SLX4IP: variants seen among roughly 807,000 people sequenced by gnomAD.
The protein encoded by SLX4IP is protein SLX4IP.
A neutral mutation model predicts 32.9 loss-of-function variants in SLX4IP; 34 were observed. The ratio of observed to expected loss-of-function variants is 1.03; its 90% confidence interval spans 0.79 to 1.38. The LOEUF is 1.38. Ranked by LOEUF, SLX4IP falls within the 40% of genes most tolerant of loss-of-function variation. The probability of loss-of-function intolerance (pLI) is 0.00; values close to 1 mark genes in which losing one functional copy is unlikely to be tolerated. For synonymous variants in SLX4IP, 172 were observed against 171.7 expected (o/e 1.00, Z -0.01); for missense variants, 444 against 479.0 (o/e 0.93, Z 0.68).
intron 1 of SLX4IP, among the ~76,000 whole-genome samples, chr20:10,449,923 T>C (rs1350988205): frequency 6.6e-6 from 1 of 151,758 alleles, no homozygotes. Flanking sequence ...ACATCGTAAA[T>C]GTAGCTGTTC....
At chr20:10,485,499 C>T (rs1175700276) in intron 2 of SLX4IP, among the ~76,000 whole-genome samples, 2 of 152,032 alleles carry the variant, frequency 1.3e-5, no homozygotes, top group African/African-American at 2.4e-5. Context: ...CACCTGTAAT[C>T]CCAGCTACTC....
At chr20:10,619,462 T>G (rs2067082101) in intron 6 of SLX4IP, among the ~76,000 whole-genome samples, 1 of 152,184 alleles carries the variant, frequency 6.6e-6, no homozygotes, top group South Asian at 2.1e-4. Flanking sequence ...ATAAAGGCAG[T>G]GATTGAATTT....
chr20:10,558,802 G>A (rs1338411876), intron 3 of SLX4IP, among the ~76,000 whole-genome samples: 1 of 152,160 alleles, frequency 6.6e-6, no homozygotes, highest in East Asian at 1.9e-4. Flanking sequence ...TAGCTGAGAA[G>A]TTTTCTTTTC....
intron 1 of SLX4IP, 53 bp from the exon 2 acceptor site, chr20:10,458,123 C>A: frequency 8.4e-7 from 1 of 1,185,424 alleles, no homozygotes; most frequent in Non-Finnish European, 1.2e-6. Flanking sequence ...GTATAATATC[C>A]AAATAAAAAG....
chr20:10,468,291 G>A (rs1419138880), intron 2 of SLX4IP, among the ~76,000 whole-genome samples: 3 of 152,096 alleles, frequency 2.0e-5, no homozygotes, highest in Non-Finnish European at 4.4e-5. Flanking sequence ...TTATGTCCAT[G>A]TTAATCTCTG....
chr20:10,525,407 A>G lies in SLX4IP; in HGVS notation c.28-30824A>G, dbSNP rs146400106. ...CCTCTTGCTTTCCATCTGCTCACATAGAAGCTTCCCCTCTTTCCCTTCCAT... is the reference window on the plus strand; with the variant it reads ...CCTCTTGCTTTCCATCTGCTCACATGGAAGCTTCCCCTCTTTCCCTTCCAT... On this transcript the variant is annotated intron_variant, in intron 2 of 7. Coordinates refer to ENST00000334534, the MANE Select transcript of SLX4IP (RefSeq NM_001009608.3). Among the ~76,000 whole-genome samples, 411 of 152,194 alleles carry G rather than the reference A, an allele frequency of 2.7e-3. 1 individual carries two copies. The highest frequency in any genetic ancestry group is 9.4e-3 in the African/African-American group (389 of 41,554).
At chr20:10,601,605 A>G in intron 5 of SLX4IP, 126 bp from the exon 6 acceptor site, 2 of 710,618 alleles carry the variant, frequency 2.8e-6, no homozygotes, top group Non-Finnish European at 4.8e-6. Context: ...GGGAGGAGAG[A>G]AGAGACGTAT....
At chr20:10,611,094 T>C (rs2066961845) in intron 6 of SLX4IP, among the ~76,000 whole-genome samples, 1 of 152,226 alleles carries the variant, frequency 6.6e-6, no homozygotes, top group Non-Finnish European at 1.5e-5. Flanking sequence ...GTTGTAACGT[T>C]CTTTTTGCCT....
intron 2 of SLX4IP, among the ~76,000 whole-genome samples, chr20:10,480,801 A>G (rs2065514666): frequency 6.6e-6 from 1 of 152,206 alleles, no homozygotes; most frequent in South Asian, 2.1e-4. Flanking sequence ...GAATTGTTTC[A>G]TGCTTGAGAA....
At position 10,506,694 on chromosome 20, in the gene SLX4IP, T is replaced by C. The variant is rs2065762850; in HGVS notation, c.27+48463T>C. 1.3e-5 allele frequency among the ~76,000 whole-genome samples: 2 copies of C among 152,182 alleles called. 1 individual carries two copies. The highest frequency in any genetic ancestry group is 4.1e-4 in the South Asian group (2 of 4,828). The stretch of plus-strand genomic sequence containing the variant: ...TTCTTCTCTTAGGGGTCTCACATTC[T>C]AGTACAGGAAACAGACCATAAACAA... On this transcript the variant is annotated intron_variant, in intron 2 of 7. Coordinates refer to ENST00000334534, the MANE Select transcript of SLX4IP (RefSeq NM_001009608.3).
chr20:10,613,645 T>A, intron 6 of SLX4IP: 1 of 1,614,080 alleles, frequency 6.2e-7, no homozygotes, highest in South Asian at 1.1e-5. Context: ...TCCTGAGCCC[T>A]CCTTTTCTTT....
rs199860470 is a variant in SLX4IP at position 10,590,274 on chromosome 20, T to C, written c.239-8401T>C. Among the ~76,000 whole-genome samples, 37 of 152,258 alleles carry C rather than the reference T, an allele frequency of 2.4e-4. 1 individual carries two copies. The East Asian group carries it at 6.9e-3, about 29-fold the overall frequency. On this transcript the variant is annotated intron_variant, in intron 4 of 7. Transcript: ENST00000334534. Reference sequence around the variant, plus strand: ...TTATACAATTAATGATTTCTAAAATTATATCATCTTTTCATTTTCCCCCAT... The same window carrying C: ...TTATACAATTAATGATTTCTAAAATCATATCATCTTTTCATTTTCCCCCAT...
intron 1 of SLX4IP, among the ~76,000 whole-genome samples, chr20:10,448,480 G>A (rs564885773): frequency 3.9e-5 from 6 of 152,258 alleles, no homozygotes; most frequent in African/African-American, 1.2e-4. Flanking sequence ...CTGAAGTAGA[G>A]GTAATAGTCA....
chr20:10,621,232 T>C (rs1568778398), intron 6 of SLX4IP, 82 bp from the exon 7 acceptor site: 8 of 1,219,238 alleles, frequency 6.6e-6, no homozygotes, highest in Middle Eastern at 2.2e-4. Context: ...AATGTGTTCA[T>C]TGGGGCATTC....
chr20:10,603,497 A>G (rs536476952), intron 6 of SLX4IP, among the ~76,000 whole-genome samples: 23 of 152,360 alleles, frequency 1.5e-4, no homozygotes, highest in Admixed American at 7.8e-4. Context: ...TCTGATAACC[A>G]GTGATAACAT....
intron 2 of SLX4IP, among the ~76,000 whole-genome samples, chr20:10,515,950 G>A (rs527477930): frequency 3.9e-5 from 6 of 152,118 alleles, no homozygotes; most frequent in East Asian, 1.9e-4. Flanking sequence ...GTACACTGGC[G>A]TGATCATAGC....
chr20:10,462,159 G>A (rs774425071), intron 2 of SLX4IP, among the ~76,000 whole-genome samples: 20 of 152,052 alleles, frequency 1.3e-4, no homozygotes, highest in Non-Finnish European at 2.6e-4. Context: ...AGAACAAAAA[G>A]ATAATAGATT....
At chr20:10,462,604 A>T (rs1000155050) in intron 2 of SLX4IP, among the ~76,000 whole-genome samples, 1 of 152,220 alleles carries the variant, frequency 6.6e-6, no homozygotes, top group Admixed American at 6.5e-5. Flanking sequence ...TATTTTTAGG[A>T]TGCAGAATGT....
intron 6 of SLX4IP, among the ~76,000 whole-genome samples, chr20:10,608,110 G>A (rs2122556753): frequency 6.6e-6 from 1 of 152,308 alleles, no homozygotes; most frequent in African/African-American, 2.4e-5. Context: ...AGAGGCCCGT[G>A]ATCTCCATTG....
Sources: allele counts gnomAD v4.1 joint callset (sites outside exome capture counted in the v4.1 genomes callset), GRCh38; gene constraint gnomAD v4.1.1; transcripts MANE v1.5; gene names NCBI Gene and HGNC (gene_info 2026-07-23, HGNC 2026-07-21).